Variants in RORB observed in about 807,000 individuals in gnomAD.
The protein encoded by RORB is nuclear receptor ROR-beta.
Under a neutral mutation model 59.1 loss-of-function variants are expected in RORB, and 6 were observed. The observed-to-expected ratio is 0.10, with a 90% CI of 0.06 to 0.20. The LOEUF (loss-of-function observed/expected upper bound fraction) is 0.20, where lower values mean the gene tolerates loss of function less well. Ranked by LOEUF, RORB falls within the 10% of genes least tolerant of loss-of-function variation. The probability of loss-of-function intolerance (pLI) is 1.00; values close to 1 mark genes in which losing one functional copy is unlikely to be tolerated. For synonymous variants in RORB, 215 were observed against 204.5 expected, an observed-to-expected ratio of 1.05 and a Z score of -0.44; for missense variants, 320 against 560.5, an observed-to-expected ratio of 0.57 and a Z score of 4.33.
At position 74,642,659 on chromosome 9, in the gene RORB, G is replaced by A. The variant is rs763192623; in HGVS notation, c.481G>A (p.Gly161Ser). Reference sequence around the variant, plus strand: ...TGAGGGTTATTACAACGTCGATTCCGGTCAGCCGTCCCCTGATCAGTCAGG... The same window carrying A: ...TGAGGGTTATTACAACGTCGATTCCAGTCAGCCGTCCCCTGATCAGTCAGG... ...KSEGYYNVDSGQPSPDQSGLD... is the reference protein window; with the variant it reads ...KSEGYYNVDSSQPSPDQSGLD... Residue 161 changes from glycine (G) to serine (S), a missense_variant, in exon 4 of 10, where the codon GGT becomes AGT. Transcript: ENST00000376896. 1.9e-5 allele frequency: 31 copies of A among 1,614,028 alleles called. No homozygotes were observed. Among genetic ancestry groups the A allele is most frequent in the Admixed American group, 6.7e-5 (4 of 59,996 alleles).
chr9:74,502,682 A>G (rs1825818861), intron 1 of RORB, among the ~76,000 whole-genome samples: 1 of 152,104 alleles, frequency 6.6e-6, no homozygotes, highest in Admixed American at 6.5e-5. Context: ...GCAAATTTGT[A>G]TATAAAGTGA....
intron 1 of RORB, among the ~76,000 whole-genome samples, chr9:74,594,706 T>A (rs1822946854): frequency 1.3e-5 from 2 of 152,094 alleles, no homozygotes; most frequent in Non-Finnish European, 2.9e-5. Flanking sequence ...CTGGCTGCAG[T>A]CTATAAAGTT....
intron 1 of RORB, among the ~76,000 whole-genome samples, chr9:74,546,504 C>T (rs991537985): frequency 6.6e-6 from 1 of 151,912 alleles, no homozygotes; most frequent in African/African-American, 2.4e-5. Flanking sequence ...AGAAGAAGGG[C>T]ATAATCAATG....
intron 6 of RORB, among the ~76,000 whole-genome samples, chr9:74,662,889 G>A (rs1824212035): frequency 6.6e-6 from 1 of 152,010 alleles, no homozygotes; most frequent in Admixed American, 6.6e-5. Context: ...GCGTGTCAAG[G>A]TGGCTGAATT....
intron 1 of RORB, among the ~76,000 whole-genome samples, chr9:74,544,329 G>C (rs1340925329): frequency 6.6e-6 from 1 of 152,138 alleles, no homozygotes; most frequent in Non-Finnish European, 1.5e-5. Flanking sequence ...CGCAAAGACT[G>C]TTCTTCGGTT....
intron 3 of RORB, 54 bp downstream of exon 3, chr9:74,634,826 C>G: frequency 6.6e-7 from 1 of 1,521,474 alleles, no homozygotes; most frequent in Admixed American, 2.0e-5. Context: ...GGATGCTTTG[C>G]TGGAGTCTAT....
chr9:74,607,280 G>T (rs1823163115), intron 1 of RORB, among the ~76,000 whole-genome samples: 1 of 152,038 alleles, frequency 6.6e-6, no homozygotes, highest in East Asian at 1.9e-4. Flanking sequence ...CTATTTTTTT[G>T]AATGGTGTCT....
At chr9:74,659,074 G>C (rs977566807) in intron 4 of RORB, among the ~76,000 whole-genome samples, 1 of 152,134 alleles carries the variant, frequency 6.6e-6, no homozygotes, top group Non-Finnish European at 1.5e-5. Flanking sequence ...TCATCATATT[G>C]CTCCCCTGAT....
chr9:74,606,008 CAT>C (rs962461076), intron 1 of RORB, among the ~76,000 whole-genome samples: 5 of 152,298 alleles, frequency 3.3e-5, no homozygotes, highest in East Asian at 1.9e-4. Context: ...TGGAGGAACA[CAT>C]GTGGAGAATC....
intron 1 of RORB, among the ~76,000 whole-genome samples, chr9:74,526,951 C>T (rs982531275): frequency 6.6e-6 from 1 of 151,834 alleles, no homozygotes; most frequent in African/African-American, 2.4e-5. Context: ...CAAACATAAG[C>T]CTTCCTGAAT....
rs750971863 is a variant in RORB, at chr9:74,685,538, C to A, written c.1300C>A (p.His434Asn). The A allele has an allele frequency of 1.9e-6, 3 of 1,613,512 alleles. No individual in the cohort carries two copies. The South Asian group carries it at 3.3e-5, about 18-fold the overall frequency. Residue 434 changes from histidine to asparagine, a missense_variant, in exon 10 of 10, where the codon CAT (histidine) becomes AAT (asparagine). By Grantham distance (68) the His-to-Asn change is moderately conservative. Around this residue, in one of 4 missense-constraint regions of RORB, gnomAD observed 109 missense variants for 171.0 expected, o/e 0.64. Coordinates refer to ENST00000376896, the MANE Select transcript of RORB (RefSeq NM_006914.4). The part of the protein sequence containing the change: ...GEKLQVFKQS[H>N]PEIVNTLFPP... ...GAAGCTGCAGGTATTTAAGCAATCT[C>A]ATCCAGAGATAGTGAATACACTGTT...
chr9:74,582,571 A>G (rs1822739951), intron 1 of RORB, among the ~76,000 whole-genome samples: 1 of 152,210 alleles, frequency 6.6e-6, no homozygotes. Context: ...TCCTTAAAAC[A>G]CTAGGATTAG....
At chr9:74,586,594 A>G (rs1822802774) in intron 1 of RORB, among the ~76,000 whole-genome samples, 1 of 78,780 alleles carries the variant, frequency 1.3e-5, no homozygotes, top group Non-Finnish European at 2.6e-5. Context: ...GTACATATGT[A>G]ATGTCCGTGT....
At chr9:74,518,529 T>C (rs1587337701) in intron 1 of RORB, among the ~76,000 whole-genome samples, 1 of 152,088 alleles carries the variant, frequency 6.6e-6, no homozygotes, top group Non-Finnish European at 1.5e-5. Context: ...AAGAGGTGTG[T>C]TGTTACCCTT....
intron 1 of RORB, among the ~76,000 whole-genome samples, chr9:74,569,910 G>A (rs929710185): frequency 8.6e-5 from 13 of 151,776 alleles, no homozygotes; most frequent in Non-Finnish European, 1.6e-4. Flanking sequence ...ATTTTTATTC[G>A]ATTTTTTTAG....
At chr9:74,578,877 G>A (rs1400312221) in intron 1 of RORB, among the ~76,000 whole-genome samples, 3 of 152,148 alleles carry the variant, frequency 2.0e-5, no homozygotes, top group Middle Eastern at 3.4e-3. Flanking sequence ...CTGCTGGTTG[G>A]TATGTTTCAG....
rs536061235 is a variant in RORB at position 74,513,922 on chromosome 9, GA to G, written c.7+15944del. ...TCTACTTTTACAATAGTTCTGAAAT[GA>G]AAAAGAATGCCGTAGGATCCACAAT... is the stretch of plus-strand genomic sequence containing the variant. On this transcript the variant is annotated intron_variant, in intron 1 of 9. Coordinates refer to ENST00000376896, the MANE Select transcript of RORB (RefSeq NM_006914.4). 7.6e-4 allele frequency among the ~76,000 whole-genome samples: 116 copies of G among 152,094 alleles called. 2 individuals carry two copies. The East Asian group carries it at 0.021, about 28-fold the overall frequency.
At chr9:74,634,817 G>A (rs1271113414) in intron 3 of RORB, 45 bp downstream of exon 3, 3 of 1,557,340 alleles carry the variant, frequency 1.9e-6, no homozygotes, top group African/African-American at 2.7e-5. Context: ...CTTTCAAATG[G>A]ATGCTTTGCT....
chr9:74,547,464 T>A lies in RORB; in HGVS notation c.7+49481T>A, dbSNP rs373883954. ...TAGAGTTAGGATTGGGGAACCAAAA[T>A]TGGAGGTTTATCACAGCCAATTTGG... On this transcript the variant is annotated intron_variant, in intron 1 of 9. Transcript: ENST00000376896. Among the ~76,000 whole-genome samples the A allele has an allele frequency of 3.0e-3, 461 of 152,282 alleles. 2 individuals carry two copies. Among genetic ancestry groups the A allele is most frequent in the African/African-American group, 9.7e-3 (402 of 41,556 alleles).
Sources: allele counts gnomAD v4.1 joint callset (sites outside exome capture counted in the v4.1 genomes callset), GRCh38; gene constraint gnomAD v4.1.1; regional missense constraint gnomAD v4.1.1; transcripts MANE v1.5; gene names NCBI Gene and HGNC (gene_info 2026-07-23, HGNC 2026-07-21).